The following PRPS1 variants were observed in gnomAD, a reference collection of about 807,000 sequenced individuals.
PRPS1 encodes the protein phosphoribosyl pyrophosphate synthetase 1.
A neutral mutation model predicts 16.9 loss-of-function variants in PRPS1; 1 was observed. The ratio of observed to expected loss-of-function variants is 0.06; its 90% confidence interval spans 0.02 to 0.28. The LOEUF (loss-of-function observed/expected upper bound fraction) is 0.28, where lower values mean the gene tolerates loss of function less well. PRPS1 is among the 10% of genes least tolerant of loss of function. PRPS1 has a pLI of 1.00. For missense variants in PRPS1, 47 were observed against 254.0 expected, an observed-to-expected ratio of 0.19 and a Z score of 5.54; for synonymous variants, 70 against 90.2, an observed-to-expected ratio of 0.78 and a Z score of 1.27.
Position 107,648,864 on chromosome X carries a change from A to T in PRPS1, c.865-1076A>T, listed in dbSNP as rs534071207. 8.1e-5 allele frequency among the ~76,000 whole-genome samples: 9 copies of T among 111,317 alleles called. No homozygotes were observed. In the South Asian group the frequency reaches 3.4e-3, roughly 42 times the overall value. On this transcript the variant is annotated intron_variant, in intron 6 of 6. Coordinates refer to ENST00000372435, the MANE Select transcript of PRPS1 (RefSeq NM_002764.4). ...AACCTCAGCCTCCCAGGTTCAAGTG[A>T]GTCTCCTGCCTCAGCCTCCCAAGTA...
intron 4 of PRPS1, among the ~76,000 whole-genome samples, chrX:107,644,006 C>T (rs768447744): frequency 1.8e-5 from 2 of 111,799 alleles, no homozygotes; most frequent in South Asian, 3.8e-4. Context: ...CAGGACAAAT[C>T]CCCAAGCACG....
chrX:107,640,005 T>C (rs1471618099), intron 2 of PRPS1, among the ~76,000 whole-genome samples: 1 of 112,777 alleles, frequency 8.9e-6, no homozygotes, highest in Non-Finnish European at 1.9e-5. Flanking sequence ...ACACAATGCC[T>C]CGAAGAAGGT....
chrX:107,630,298 T>C (rs960143293), intron 1 of PRPS1: 1 of 112,390 alleles, frequency 8.9e-6, no homozygotes, highest in Non-Finnish European at 1.9e-5. Context: ...CCTGTGGATA[T>C]TTAATCCTTT....
At chrX:107,648,602 G>A (rs1470240350) in intron 6 of PRPS1, among the ~76,000 whole-genome samples, 6 of 107,887 alleles carry the variant, frequency 5.6e-5, no homozygotes, top group Non-Finnish European at 1.2e-4. Context: ...GTGTAGAGAC[G>A]GGGTCTCCCT....
At position 107,628,578 on chromosome X, in the gene PRPS1, C is replaced by G. The variant is rs1213525589; in HGVS notation, c.-51C>G. ...GTCTGTGGCCGACTTCGGTTCCGGT[C>G]TCTGCAGCAGCCGTGATCGCTTAGT... On this transcript the variant is annotated 5_prime_UTR_variant, in exon 1 of 7. Transcript: ENST00000372435. 8 of 1,210,881 alleles carry G rather than the reference C, an allele frequency of 6.6e-6. No individual in the cohort carries two copies. Among genetic ancestry groups the G allele is most frequent in the Admixed American group, 2.2e-5 (1 of 46,038 alleles).
intron 1 of PRPS1, among the ~76,000 whole-genome samples, chrX:107,635,038 T>C (rs955608774): frequency 9.9e-5 from 11 of 111,090 alleles, no homozygotes; most frequent in Non-Finnish European, 1.7e-4. Flanking sequence ...AGACGGGGTT[T>C]CACCGTGTTA....
chrX:107,640,344 CAA>C (rs759522021), intron 2 of PRPS1, among the ~76,000 whole-genome samples: 1 of 24,693 alleles, frequency 4.0e-5, no homozygotes, highest in Non-Finnish European at 9.5e-5. Context: ...TCTGTCTCTA[CAA>C]AAAAAAAAAA....
At chrX:107,639,142 A>C (rs1393101915) in intron 1 of PRPS1, among the ~76,000 whole-genome samples, 153 bp from the exon 2 acceptor site, 1 of 112,658 alleles carries the variant, frequency 8.9e-6, no homozygotes, top group Non-Finnish European at 1.9e-5. Context: ...ACAAAGAAAA[A>C]AATCTGTACA....
At position 107,650,214 on chromosome X, in the gene PRPS1, C is replaced by G; in HGVS notation, c.*182C>G. On this transcript the variant is annotated 3_prime_UTR_variant, in exon 7 of 7. Transcript: ENST00000372435. ...ACGGATTGAGATTAACTGCTGGGACCTCCTACCTGCATTATCTCATTCTGG... is the reference window on the plus strand; with the variant it reads ...ACGGATTGAGATTAACTGCTGGGACGTCCTACCTGCATTATCTCATTCTGG... 1.2e-6 allele frequency: 1 copy of G among 813,324 alleles called. No individual in the cohort carries two copies. The highest frequency in any genetic ancestry group is 2.6e-5 in the South Asian group (1 of 38,387). 67.0% of individuals were successfully genotyped at this position (813,324 alleles called of 1,213,427 possible). A position where few individuals can be genotyped will look rare whatever the true frequency, so the allele number is the denominator to read the frequency against.
At position 107,650,900 on chromosome X, in the gene PRPS1, G is replaced by A. The variant is rs1025326110; in HGVS notation, c.*868G>A. The stretch of plus-strand genomic sequence containing the variant: ...TCGTAGTGCCTTTTGATTAATTTAA[G>A]TATTTAATTTTCATCTTCCTTCTTT... On this transcript the variant is annotated 3_prime_UTR_variant, in exon 7 of 7. Transcript: ENST00000372435. 7 of 274,064 alleles carry A rather than the reference G, an allele frequency of 2.6e-5. No homozygotes were observed. The highest frequency in any genetic ancestry group is 4.5e-5 in the Non-Finnish European group (7 of 156,622). 22.6% of individuals were successfully genotyped at this position (274,064 alleles called of 1,213,427 possible).
chrX:107,632,429 A>G (rs1355436412), intron 1 of PRPS1, among the ~76,000 whole-genome samples: 2 of 112,269 alleles, frequency 1.8e-5, no homozygotes, highest in Admixed American at 9.5e-5. Flanking sequence ...TTTTCTTAAG[A>G]CTACTATCCA....
Position 107,628,560 on chromosome X carries a change from G to A in PRPS1, c.-69G>A. ...CAAAGCGCTTGGTATTGAGTCTGTG[G>A]CCGACTTCGGTTCCGGTCTCTGCAG... On this transcript the variant is annotated 5_prime_UTR_variant, in exon 1 of 7. Coordinates refer to ENST00000372435, the MANE Select transcript of PRPS1 (RefSeq NM_002764.4). The A allele has an allele frequency of 8.3e-7, 1 of 1,208,912 alleles. No homozygotes were observed. Among genetic ancestry groups the A allele is most frequent in the Non-Finnish European group, 1.1e-6 (1 of 894,145 alleles).
intron 1 of PRPS1, among the ~76,000 whole-genome samples, chrX:107,635,796 C>A (rs760400412): frequency 3.8e-4 from 42 of 110,628 alleles, no homozygotes; most frequent in South Asian, 1.2e-3. Context: ...CATGGTGGCT[C>A]ACACCTGTAA....
At chrX:107,634,791 A>C (rs1925392497) in intron 1 of PRPS1, among the ~76,000 whole-genome samples, 1 of 110,015 alleles carries the variant, frequency 9.1e-6, no homozygotes, top group Non-Finnish European at 1.9e-5. Flanking sequence ...CTGTGGTCTA[A>C]GAATGTTGTT....
chrX:107,646,009 G>T (rs1315924216), intron 5 of PRPS1, among the ~76,000 whole-genome samples: 1 of 110,833 alleles, frequency 9.0e-6, no homozygotes, highest in African/African-American at 3.3e-5. Flanking sequence ...TGCAACTGAG[G>T]CTCGATCCCA....
intron 1 of PRPS1, among the ~76,000 whole-genome samples, chrX:107,634,870 C>T (rs1188813051): frequency 8.7e-5 from 9 of 103,141 alleles, no homozygotes; most frequent in South Asian, 4.5e-4. Context: ...CTCGCTCTCT[C>T]GCTCTGTCTC....
intron 1 of PRPS1, chrX:107,630,353 T>C (rs1417096909): frequency 8.9e-6 from 1 of 112,251 alleles, no homozygotes; most frequent in Non-Finnish European, 1.9e-5. Context: ...AGCTTTATTT[T>C]CTCCTTGTGT....
chrX:107,645,156 T>C lies in PRPS1; in HGVS notation c.531-21T>C, dbSNP rs373525793. 5.1e-4 allele frequency: 621 copies of C among 1,210,016 alleles called. No homozygotes were observed. The highest frequency in any genetic ancestry group is 8.1e-4 in the Admixed American group (37 of 45,790). On this transcript the variant is annotated intron_variant, in intron 4 of 6. Transcript: ENST00000372435. ...TTGTCTTAGAAGCCACACATACATA[T>C]GAACACGCTCTGTTTTGCAGAGTGA...
intron 2 of PRPS1, among the ~76,000 whole-genome samples, chrX:107,640,628 A>G (rs1171237082): frequency 8.9e-6 from 1 of 112,336 alleles, no homozygotes; most frequent in African/African-American, 3.2e-5. Flanking sequence ...AAACACTTGA[A>G]TAGGATTGAA....
Sources: gnomAD v4.1 joint callset for allele counts (sites outside exome capture counted in the v4.1 genomes callset) on GRCh38, gnomAD v4.1.1 for gene constraint, MANE v1.5 for transcripts, NCBI Gene and HGNC (gene_info 2026-07-23, HGNC 2026-07-21) for gene names.